Variants in GRIK1 observed in about 807,000 individuals in gnomAD.
The protein encoded by GRIK1 is glutamate receptor ionotropic, kainate 1.
Under a neutral mutation model 105.7 loss-of-function variants are expected in GRIK1, and 69 were observed. That is an observed-to-expected ratio of 0.65 (90% confidence interval 0.54 to 0.80). The LOEUF is 0.80. Ranked by LOEUF, GRIK1 falls within the 30% of genes least tolerant of loss-of-function variation. The probability of loss-of-function intolerance (pLI) is 0.00; values close to 1 mark genes in which losing one functional copy is unlikely to be tolerated. For synonymous variants in GRIK1, 438 were observed against 431.3 expected (o/e 1.02, Z -0.19); for missense variants, 1,109 against 1,167.3 (o/e 0.95, Z 0.73).
At chr21:29,885,956 A>G (rs935947094) in intron 1 of GRIK1, among the ~76,000 whole-genome samples, 3 of 152,154 alleles carry the variant, frequency 2.0e-5, no homozygotes, top group Admixed American at 6.6e-5. Context: ...CAGAGGAAAC[A>G]TCAGGGGAAG....
At chr21:29,939,308 C>T in intron 1 of GRIK1, 75 bp downstream of exon 1, 1 of 891,672 alleles carries the variant, frequency 1.1e-6, no homozygotes, top group Non-Finnish European at 1.8e-6. Flanking sequence ...CGCTGCCTCG[C>T]CCGGGACCCG....
intron 16 of GRIK1, among the ~76,000 whole-genome samples, chr21:29,547,639 T>A (rs763633516): frequency 4.2e-4 from 64 of 152,232 alleles, no homozygotes; most frequent in Non-Finnish European, 4.4e-5. Flanking sequence ...TCGTTCAGAG[T>A]TCGTTTGGTT....
At position 29,810,877 on chromosome 21, in the gene GRIK1, A is replaced by G. The variant is rs532936753; in HGVS notation, c.119-116814T>C. On this transcript the variant is annotated intron_variant, in intron 1 of 17. Coordinates refer to ENST00000327783, the MANE Select transcript of GRIK1 (RefSeq NM_001330994.2). ...AGCACCAGAGCTACAGGTTCAGATA[A>G]CAACAAAGGTGATGTGGCAGCTGGA... 4.1e-4 allele frequency among the ~76,000 whole-genome samples: 63 copies of G among 152,278 alleles called. 1 individual carries two copies. The highest frequency in any genetic ancestry group is 2.7e-3 in the South Asian group (13 of 4,818).
At chr21:29,918,457 C>T (rs73898549) in intron 1 of GRIK1, among the ~76,000 whole-genome samples, 2,006 of 152,018 alleles carry the variant, frequency 0.013, 51 homozygotes, top group African/African-American at 0.046. Context: ...AGATATGAAG[C>T]GGAGATTTAA....
intron 1 of GRIK1, chr21:29,764,083 G>T (rs2065596681): frequency 6.6e-6 from 1 of 152,176 alleles, no homozygotes; most frequent in African/African-American, 2.4e-5. Flanking sequence ...GATAGAATGG[G>T]GGAAAACATG....
intron 14 of GRIK1, among the ~76,000 whole-genome samples, chr21:29,562,475 G>A (rs527449431): frequency 2.6e-5 from 4 of 152,270 alleles, no homozygotes; most frequent in Non-Finnish European, 5.9e-5. Context: ...GACCAACATG[G>A]TGAAACCCTG....
chr21:29,755,529 G>C (rs948018641), intron 1 of GRIK1, among the ~76,000 whole-genome samples: 33 of 152,188 alleles, frequency 2.2e-4, no homozygotes, highest in African/African-American at 6.3e-4. Context: ...TAAATTGCTT[G>C]TCCTGGAATG....
chr21:29,684,606 C>T (rs1392317561), intron 3 of GRIK1, among the ~76,000 whole-genome samples: 4 of 152,182 alleles, frequency 2.6e-5, no homozygotes, highest in African/African-American at 9.6e-5. Context: ...CTCCTGGGTT[C>T]ATGCCATTCT....
intron 1 of GRIK1, among the ~76,000 whole-genome samples, chr21:29,732,251 A>G (rs1371284657): frequency 6.6e-6 from 1 of 152,180 alleles, no homozygotes; most frequent in Non-Finnish European, 1.5e-5. Flanking sequence ...GGGGATAGGC[A>G]TGGAAGTTTG....
intron 4 of GRIK1, among the ~76,000 whole-genome samples, chr21:29,658,041 G>T (rs923216139): frequency 6.6e-6 from 1 of 152,176 alleles, no homozygotes; most frequent in African/African-American, 2.4e-5. Flanking sequence ...ACCAAATGGT[G>T]CTGACCTAGG....
intron 14 of GRIK1, among the ~76,000 whole-genome samples, chr21:29,572,844 C>T (rs2090785845): frequency 6.6e-6 from 1 of 151,960 alleles, no homozygotes; most frequent in South Asian, 2.1e-4. Context: ...GATCTCGGCT[C>T]ACTGCAACCT....
intron 1 of GRIK1, among the ~76,000 whole-genome samples, chr21:29,780,125 G>A (rs2066054177): frequency 6.6e-6 from 1 of 152,174 alleles, no homozygotes; most frequent in African/African-American, 2.4e-5. Context: ...GGTGGATTCA[G>A]TGAGATAGAA....
At chr21:29,813,442 C>A (rs997390741) in intron 1 of GRIK1, among the ~76,000 whole-genome samples, 53 of 152,222 alleles carry the variant, frequency 3.5e-4, no homozygotes, top group African/African-American at 1.3e-3. Context: ...ATTGAGAAAT[C>A]TCTGGGAAAA....
At chr21:29,763,638 G>C (rs978304615) in intron 1 of GRIK1, 1 of 152,264 alleles carries the variant, frequency 6.6e-6, no homozygotes, top group African/African-American at 2.4e-5. Context: ...ATATGCTCCT[G>C]ATGCTCCAGT....
intron 1 of GRIK1, among the ~76,000 whole-genome samples, chr21:29,881,390 A>T (rs1263706179): frequency 1.3e-5 from 2 of 152,156 alleles, no homozygotes; most frequent in African/African-American, 4.8e-5. Context: ...AAAACAAAAT[A>T]AAATGGGCTC....
In GRIK1 at chr21:29,693,970, AGGGTTC is replaced by A. The variant is rs750896680; in HGVS notation, c.206_211del (p.Arg69_Thr70del). 11 of 1,612,452 alleles carry A rather than the reference AGGGTTC, an allele frequency of 6.8e-6. No individual in the cohort carries two copies. The highest frequency in any genetic ancestry group is 9.3e-6 in the Non-Finnish European group (11 of 1,178,426). ...ATAGGTTAATGTGGTGTTAGGCATC[AGGGTTC>A]GGTTTCTGTTAATGCTGGTGACTGC... On this transcript the variant is annotated inframe_deletion, in exon 2 of 18. Coordinates refer to ENST00000327783, the MANE Select transcript of GRIK1 (RefSeq NM_001330994.2).
At chr21:29,903,975 G>A (rs528613001) in intron 1 of GRIK1, among the ~76,000 whole-genome samples, 7 of 152,230 alleles carry the variant, frequency 4.6e-5, no homozygotes, top group African/African-American at 1.7e-4. Flanking sequence ...TCCTTTGCAG[G>A]GACATGGATG....
At chr21:29,622,254 A>G (rs2062021622) in intron 7 of GRIK1, among the ~76,000 whole-genome samples, 1 of 152,124 alleles carries the variant, frequency 6.6e-6, no homozygotes, top group Non-Finnish European at 1.5e-5. Context: ...GCCTCTAAGA[A>G]TATTTTCTTG....
At chr21:29,555,408 G>A (rs2090226912) in intron 15 of GRIK1, 106 bp from the exon 16 acceptor site, 1 of 1,014,272 alleles carries the variant, frequency 9.9e-7, no homozygotes, top group Non-Finnish European at 1.5e-6. Context: ...GCTGTTGTGA[G>A]ACCCCAATCC....
Sources: allele counts gnomAD v4.1 joint callset (sites outside exome capture counted in the v4.1 genomes callset), GRCh38; gene constraint gnomAD v4.1.1; transcripts MANE v1.5; gene names NCBI Gene and HGNC (gene_info 2026-07-23, HGNC 2026-07-21).